DLGAP2: variants seen among roughly 807,000 people sequenced by gnomAD.
The protein encoded by DLGAP2 is DLG associated protein 2, also known as disks large-associated protein 2.
DLGAP2 carries 26 observed loss-of-function variants against 100.3 expected under a neutral mutation model. The ratio of observed to expected loss-of-function variants is 0.26; its 90% CI spans 0.19 to 0.36. DLGAP2 has a LOEUF of 0.36. Ranked by LOEUF, DLGAP2 falls within the 10% of genes least tolerant of loss-of-function variation. The pLI is 1.00. For missense variants in DLGAP2, 1,858 were observed against 1,453.2 expected (o/e 1.28, Z -4.53); for synonymous variants, 886 against 630.1 (o/e 1.41, Z -6.08).
intron 13 of DLGAP2, among the ~76,000 whole-genome samples, chr8:1,694,085 A>G (rs887915259): frequency 1.3e-5 from 2 of 152,212 alleles, no homozygotes; most frequent in Non-Finnish European, 2.9e-5. Flanking sequence ...AATAGCTAAT[A>G]TTTGGCTTAA....
chr8:1,227,176 T>TATATATATATA (rs1563265057), intron 2 of DLGAP2, among the ~76,000 whole-genome samples: 1 of 58,928 alleles, frequency 1.7e-5, no homozygotes, highest in African/African-American at 9.0e-5. Context: ...ATATATATAG[T>TATATATATATA]ATAGATATAT....
At chr8:875,567 A>G (rs930438488) in intron 1 of DLGAP2, among the ~76,000 whole-genome samples, 9 of 152,174 alleles carry the variant, frequency 5.9e-5, no homozygotes, top group African/African-American at 2.2e-4. Context: ...CATGATTGTA[A>G]GTTTCCTTGG....
intron 2 of DLGAP2, among the ~76,000 whole-genome samples, chr8:978,282 G>C (rs1455491074): frequency 9.5e-5 from 3 of 31,492 alleles, no homozygotes; most frequent in Non-Finnish European, 2.3e-4. Context: ...TGAGGGGCTG[G>C]GTTCTGGTCT....
chr8:1,061,316 C>T (rs1460432070), intron 2 of DLGAP2, among the ~76,000 whole-genome samples: 1 of 152,070 alleles, frequency 6.6e-6, no homozygotes, highest in Non-Finnish European at 1.5e-5. Flanking sequence ...CAATGTAGGC[C>T]CAACTGTGGT....
intron 4 of DLGAP2, among the ~76,000 whole-genome samples, chr8:1,518,075 A>T (rs1800456360): frequency 6.6e-6 from 1 of 152,220 alleles, no homozygotes; most frequent in Admixed American, 6.5e-5. Context: ...CTGCCGGATG[A>T]TGGAGTCTGG....
In DLGAP2 at chr8:739,111, A is replaced by T. The variant is rs535148318; in HGVS notation, c.18+1286A>T. 2.5e-3 allele frequency: 382 copies of T among 153,048 alleles called. 1 individual carries two copies. The highest frequency in any genetic ancestry group is 6.8e-3 in the Middle Eastern group (2 of 294). The allele number at this position is 153,048 out of a possible 1,614,324, so 9.5% of individuals were successfully genotyped here. A position where few individuals can be genotyped will look rare whatever the true frequency, so the allele number is the denominator to read the frequency against. ...ATTAAAGATAAAGCGATCAGCAGTG[A>T]ATTTATCCTTCGTGTGGATGAACTC... On this transcript the variant is annotated intron_variant, in intron 1 of 14. Coordinates refer to ENST00000637795, the MANE Select transcript of DLGAP2 (RefSeq NM_001346810.2).
chr8:1,278,113 C>T lies in DLGAP2; in HGVS notation c.106+19230C>T, dbSNP rs183047006. ...CATTTATTCAGATGATACCTCACGC[C>T]AGGTCAGGTGAGGGAGTGGCATCCG... is the stretch of plus-strand genomic sequence containing the variant. On this transcript the variant is annotated intron_variant, in intron 3 of 14. Transcript: ENST00000637795. 9.8e-3 allele frequency among the ~76,000 whole-genome samples: 1,491 copies of T among 152,298 alleles called. 10 individuals are homozygous for T. The highest frequency in any genetic ancestry group is 0.012 in the Non-Finnish European group (798 of 68,020).
At chr8:766,498 T>A (rs1311848137) in intron 1 of DLGAP2, among the ~76,000 whole-genome samples, 1 of 152,198 alleles carries the variant, frequency 6.6e-6, no homozygotes, top group African/African-American at 2.4e-5. Context: ...AGCAAATATA[T>A]TGTGATATAG....
At chr8:1,470,054 C>T (rs1798737213) in intron 3 of DLGAP2, among the ~76,000 whole-genome samples, 2 of 151,780 alleles carry the variant, frequency 1.3e-5, no homozygotes, top group Admixed American at 6.6e-5. Flanking sequence ...CCCAGCTGCT[C>T]ATGAGGTTGA....
chr8:987,506 C>T (rs1447904256), intron 2 of DLGAP2, among the ~76,000 whole-genome samples: 2 of 152,168 alleles, frequency 1.3e-5, no homozygotes, highest in Admixed American at 1.3e-4. Context: ...CCGGACGCCC[C>T]CACGACCTTC....
At chr8:1,498,893 G>A (rs933921192) in intron 3 of DLGAP2, among the ~76,000 whole-genome samples, 2 of 152,156 alleles carry the variant, frequency 1.3e-5, no homozygotes, top group African/African-American at 4.8e-5. Flanking sequence ...GCTGCATTAA[G>A]CTCTCCCAGC....
chr8:1,613,580 A>T (rs1246931015), intron 6 of DLGAP2, among the ~76,000 whole-genome samples: 1 of 152,190 alleles, frequency 6.6e-6, no homozygotes, highest in Non-Finnish European at 1.5e-5. Context: ...ATTGACTTCA[A>T]CTGAAATTTA....
chr8:1,167,780 C>T (rs896502509), intron 2 of DLGAP2, among the ~76,000 whole-genome samples: 2 of 152,148 alleles, frequency 1.3e-5, no homozygotes, highest in Non-Finnish European at 2.9e-5. Flanking sequence ...CAGTGTCTGA[C>T]ACTGAGGTAC....
At chr8:1,251,640 G>A (rs1010877879) in intron 2 of DLGAP2, among the ~76,000 whole-genome samples, 1 of 152,192 alleles carries the variant, frequency 6.6e-6, no homozygotes, top group African/African-American at 2.4e-5. Context: ...GATGATGAGT[G>A]GAGTTTTTGG....
chr8:1,163,657 A>G (rs1206830038), intron 2 of DLGAP2, among the ~76,000 whole-genome samples: 1 of 152,018 alleles, frequency 6.6e-6, no homozygotes, highest in Non-Finnish European at 1.5e-5. Context: ...CCGCCTGGGG[A>G]GGGCCGGGGA....
At chr8:1,494,425 G>A (rs1282296866) in intron 3 of DLGAP2, among the ~76,000 whole-genome samples, 1 of 152,162 alleles carries the variant, frequency 6.6e-6, no homozygotes. Context: ...CACGGGGCAG[G>A]TCTTTAAGAA....
intron 3 of DLGAP2, among the ~76,000 whole-genome samples, chr8:1,289,782 C>A (rs148888246): frequency 2.0e-5 from 3 of 152,152 alleles, no homozygotes; most frequent in Non-Finnish European, 4.4e-5. Flanking sequence ...TGCTCTGCTG[C>A]GGACCACAGA....
rs569718091 is a variant in DLGAP2 at position 1,184,100 on chromosome 8, A to G, written c.74-74751A>G. Among the ~76,000 whole-genome samples the G allele has an allele frequency of 3.3e-5, 5 of 152,334 alleles. No homozygotes were observed. In the East Asian group the frequency reaches 9.7e-4, roughly 29 times the overall value. ...GTGTTTGCGTTGTGTTTGGGGAAGC[A>G]GCGTGTTTGCATTGTGTTTAAAGCC... On this transcript the variant is annotated intron_variant, in intron 2 of 14. Coordinates refer to ENST00000637795, the MANE Select transcript of DLGAP2 (RefSeq NM_001346810.2).
At chr8:1,489,270 G>T (rs1799309736) in intron 3 of DLGAP2, among the ~76,000 whole-genome samples, 1 of 152,176 alleles carries the variant, frequency 6.6e-6, no homozygotes, top group Non-Finnish European at 1.5e-5. Context: ...TCAGCTCTGA[G>T]GGCAGCATGT....
Sources: allele counts gnomAD v4.1 joint callset (sites outside exome capture counted in the v4.1 genomes callset), GRCh38; gene constraint gnomAD v4.1.1; transcripts MANE v1.5; gene names NCBI Gene and HGNC (gene_info 2026-07-23, HGNC 2026-07-21).